TUT4: variants seen among roughly 807,000 people sequenced by gnomAD.
TUT4 encodes the protein terminal uridylyl transferase 4.
A neutral mutation model predicts 192.2 loss-of-function variants in TUT4; 36 were observed. The ratio of observed to expected loss-of-function variants is 0.19; its 90% CI spans 0.14 to 0.25. The LOEUF (loss-of-function observed/expected upper bound fraction) is 0.25. Ranked by LOEUF, TUT4 falls within the 10% of genes least tolerant of loss-of-function variation. TUT4 has a pLI of 1.00. For synonymous variants in TUT4, 618 were observed against 666.0 expected (o/e 0.93, Z 1.11); for missense variants, 1,493 against 1,957.2 (o/e 0.76, Z 4.47).
chr1:52,510,317 C>CAAAAAAAAAAAA (rs200690805), intron 3 of TUT4, among the ~76,000 whole-genome samples: 8 of 78,618 alleles, frequency 1.0e-4, no homozygotes, highest in East Asian at 3.4e-4. Context: ...TTCGTATTAA[C>CAAAAAAAAAAAA]AAAAAAAAAA....
Position 52,458,389 on chromosome 1 carries a change from C to G in TUT4, c.3382G>C (p.Val1128Leu), listed in dbSNP as rs1362699322. ...SLSSYAYILM[V>L]LYFLQQRKPP... ...TTTCTCTGCTGCAGAAAGTACAGCACCATAAGGATATATGCATATGAAGAT... is the reference window on the plus strand; with the variant it reads ...TTTCTCTGCTGCAGAAAGTACAGCAGCATAAGGATATATGCATATGAAGAT... Residue 1128 changes from valine to leucine, a missense_variant, in exon 20 of 30, where the codon GTG (valine) becomes CTG (leucine). By Grantham distance (32) the Val-to-Leu change is conservative (BLOSUM62 1). This residue lies in a region of TUT4 where 141 missense variants were observed against 382.7 expected (regional missense o/e 0.37). Coordinates refer to ENST00000257177, the MANE Select transcript of TUT4 (RefSeq NM_001009881.3). 1 of 1,613,936 alleles carries G rather than the reference C, an allele frequency of 6.2e-7. No individual in the cohort carries two copies. Among genetic ancestry groups the G allele is most frequent in the South Asian group, 1.1e-5 (1 of 91,044 alleles).
intron 4 of TUT4, among the ~76,000 whole-genome samples, chr1:52,506,177 T>C (rs1443280352): frequency 6.6e-6 from 1 of 152,162 alleles, no homozygotes; most frequent in Non-Finnish European, 1.5e-5. Context: ...CCCCACTTGA[T>C]CATGACACAT....
At chr1:52,461,936 T>A in intron 16 of TUT4, 167 bp from the exon 17 acceptor site, 1 of 460,374 alleles carries the variant, frequency 2.2e-6, no homozygotes, top group Non-Finnish European at 3.9e-6. Context: ...CAGCATAATC[T>A]GGAAACTTGA....
intron 1 of TUT4, among the ~76,000 whole-genome samples, chr1:52,531,335 C>T (rs1271456129): frequency 6.6e-6 from 1 of 152,002 alleles, no homozygotes; most frequent in Admixed American, 6.6e-5. Flanking sequence ...AGACGATCCT[C>T]CCAGCTGATG....
At position 52,509,701 on chromosome 1, in the gene TUT4, T is replaced by C; in HGVS notation, c.894A>G (p.Glu298=). 1.2e-6 allele frequency: 2 copies of C among 1,605,066 alleles called. No individual in the cohort carries two copies. The highest frequency in any genetic ancestry group is 2.2e-5 in the East Asian group (1 of 44,700). The part of the protein sequence containing the change: ...HIFRLEKRSP[E]YTNCRYLCKL... ...TGCATAGATACCGACAATTGGTATA[T>C]TCTGGTGATCGCTGAAGAGACAAAT... The change falls in exon 4 of 30, where the codon GAA becomes GAG. Residue 298 remains glutamate (E), a synonymous_variant. Coordinates refer to ENST00000257177, the MANE Select transcript of TUT4 (RefSeq NM_001009881.3).
intron 7 of TUT4, among the ~76,000 whole-genome samples, chr1:52,491,244 C>T (rs1330781918): frequency 6.6e-6 from 1 of 152,154 alleles, no homozygotes; most frequent in Non-Finnish European, 1.5e-5. Flanking sequence ...CAACCTAACT[C>T]TTCAGGCCAC....
At chr1:52,435,238 G>T (rs1653381410) in intron 27 of TUT4, 127 bp downstream of exon 27, 1 of 597,230 alleles carries the variant, frequency 1.7e-6, no homozygotes, top group Non-Finnish European at 2.7e-6. Flanking sequence ...GCCTAGCAAG[G>T]ACATATATAC....
At chr1:52,467,334 AACTTACTCTTCCT>A (rs1664505103) in intron 15 of TUT4, among the ~76,000 whole-genome samples, 1 of 152,118 alleles carries the variant, frequency 6.6e-6, no homozygotes, top group African/African-American at 2.4e-5. Context: ...CCATGCCCAA[AACTTACTCTTCCT>A]GCTCTTTGCC....
intron 16 of TUT4, chr1:52,463,867 A>C (rs1663315231): frequency 9.2e-7 from 1 of 1,085,072 alleles, no homozygotes; most frequent in South Asian, 1.4e-5. Context: ...TCACGGTGGA[A>C]CTCAGAAAGC....
At chr1:52,485,301 C>T (rs906038589) in intron 9 of TUT4, among the ~76,000 whole-genome samples, 1 of 152,136 alleles carries the variant, frequency 6.6e-6, no homozygotes, top group Non-Finnish European at 1.5e-5. Flanking sequence ...AATGGCCATT[C>T]ACTTTTGTAT....
intron 14 of TUT4, among the ~76,000 whole-genome samples, chr1:52,469,443 A>G (rs1665081129): frequency 1.3e-5 from 2 of 152,168 alleles, no homozygotes; most frequent in East Asian, 1.9e-4. Flanking sequence ...ACTGCTATAC[A>G]TATGTACTAA....
At chr1:52,549,883 C>G (rs565262210) in intron 1 of TUT4, among the ~76,000 whole-genome samples, 1 of 152,156 alleles carries the variant, frequency 6.6e-6, no homozygotes, top group South Asian at 2.1e-4. Flanking sequence ...CTCTCTCCCT[C>G]AACTCATAAT....
intron 20 of TUT4, among the ~76,000 whole-genome samples, chr1:52,450,934 T>C (rs1174548899): frequency 6.6e-6 from 1 of 152,058 alleles, no homozygotes; most frequent in East Asian, 1.9e-4. Context: ...AATTAGTACA[T>C]ATGATCCCTA....
intron 11 of TUT4, among the ~76,000 whole-genome samples, chr1:52,479,930 G>C (rs1423339092): frequency 1.3e-5 from 2 of 151,494 alleles, no homozygotes; most frequent in African/African-American, 4.9e-5. Flanking sequence ...GGGAGGCAGA[G>C]GTTTCAGTGA....
rs936987119 is a variant in TUT4, at chr1:52,448,839, C to T, written c.3436-2172G>A. Among the ~76,000 whole-genome samples, 18 of 152,132 alleles carry T rather than the reference C, an allele frequency of 1.2e-4. 1 individual carries two copies. Among genetic ancestry groups the T allele is most frequent in the African/African-American group, 3.9e-4 (16 of 41,430 alleles). On this transcript the variant is annotated intron_variant, in intron 20 of 29. Transcript: ENST00000257177. The stretch of plus-strand genomic sequence containing the variant: ...GATAATTCATACTTCTGAGTAACAA[C>T]AATCCAACTCTTTAGATCATGATTG...
At chr1:52,460,795 C>CT (rs1257463062) in intron 19 of TUT4, among the ~76,000 whole-genome samples, 2 of 152,150 alleles carry the variant, frequency 1.3e-5, no homozygotes, top group Non-Finnish European at 2.9e-5. Context: ...GTCAGAAAAA[C>CT]TTATCACTAA....
At chr1:52,510,194 CCCAG>C (rs1426052628) in intron 3 of TUT4, among the ~76,000 whole-genome samples, 1 of 151,822 alleles carries the variant, frequency 6.6e-6, no homozygotes, top group African/African-American at 2.4e-5. Flanking sequence ...GGCTTGTAAT[CCCAG>C]CTACTCTGGT....
At chr1:52,448,045 T>A (rs1658101694) in intron 20 of TUT4, among the ~76,000 whole-genome samples, 1 of 152,234 alleles carries the variant, frequency 6.6e-6, no homozygotes, top group African/African-American at 2.4e-5. Context: ...TCCTCAGATT[T>A]AAGTTCTTTG....
At chr1:52,531,569 A>G (rs1310119653) in intron 1 of TUT4, among the ~76,000 whole-genome samples, 3 of 152,202 alleles carry the variant, frequency 2.0e-5, no homozygotes, top group Non-Finnish European at 2.9e-5. Context: ...AATACAAAGT[A>G]GGCACCCAAT....
Sources: allele counts gnomAD v4.1 joint callset (sites outside exome capture counted in the v4.1 genomes callset), GRCh38; gene constraint gnomAD v4.1.1; regional missense constraint gnomAD v4.1.1; transcripts MANE v1.5; gene names NCBI Gene and HGNC (gene_info 2026-07-23, HGNC 2026-07-21).